AQP7B: variants seen among roughly 807,000 people sequenced by gnomAD.
AQP7B encodes aquaporin 7B, also known as putative aquaporin-7B.
chr2:94,600,903 G>C, the AQP7B span, among the ~76,000 whole-genome samples: 1 of 150,708 alleles, frequency 6.6e-6, no homozygotes, highest in African/African-American at 2.4e-5. Flanking sequence ...AAAATTGGCT[G>C]CGTGCCGAGG....
chr2:94,594,252 C>T, the AQP7B span, among the ~76,000 whole-genome samples: 3 of 152,218 alleles, frequency 2.0e-5, no homozygotes, highest in Admixed American at 6.5e-5. Context: ...TTACAGAGCT[C>T]GGCAGCAGAC....
At chr2:94,597,147 T>C in the AQP7B span, among the ~76,000 whole-genome samples, 3 of 152,140 alleles carry the variant, frequency 2.0e-5, no homozygotes, top group African/African-American at 4.8e-5. Context: ...GGCCCTCCCC[T>C]ACTCCTCTCT....
At chr2:94,594,961 T>C in the AQP7B span, 2 of 761,540 alleles carry the variant, frequency 2.6e-6, no homozygotes, top group Non-Finnish European at 4.4e-6. Context: ...GGTCACATTG[T>C]CCATTCCTTG....
chr2:94,600,079 A>C, the AQP7B span, among the ~76,000 whole-genome samples: 1 of 151,842 alleles, frequency 6.6e-6, no homozygotes, highest in African/African-American at 2.4e-5. Context: ...GGGTTTTGTC[A>C]TGCTGGTCTT....
At chr2:94,590,592 AGTTAATAGCTG>A in the AQP7B span, among the ~76,000 whole-genome samples, 8 of 152,100 alleles carry the variant, frequency 5.3e-5, no homozygotes, top group African/African-American at 1.9e-4. Flanking sequence ...TAATTCAATG[AGTTAATAGCTG>A]GTTAACAGGA....
the AQP7B span, among the ~76,000 whole-genome samples, chr2:94,600,672 G>T: frequency 6.6e-6 from 1 of 152,200 alleles, no homozygotes; most frequent in African/African-American, 2.4e-5. Flanking sequence ...GAGGTCAGGT[G>T]TTTGAGACCA....
At chr2:94,591,661 C>T in the AQP7B span, among the ~76,000 whole-genome samples, 1 of 152,188 alleles carries the variant, frequency 6.6e-6, no homozygotes, top group Non-Finnish European at 1.5e-5. Flanking sequence ...CTCTGCCCAT[C>T]TCATGCCACC....
At chr2:94,604,559 C>T in the AQP7B span, 23 of 1,600,992 alleles carry the variant, frequency 1.4e-5, no homozygotes, top group Non-Finnish European at 1.9e-5. Context: ...ATCCATGGCC[C>T]TAGAGCACTT....
the AQP7B span, chr2:94,604,396 C>T: frequency 6.2e-7 from 1 of 1,611,466 alleles, no homozygotes; most frequent in Admixed American, 1.7e-5. Context: ...CACGGGAGCC[C>T]CTGAAATTGG....
chr2:94,600,602 G>A, the AQP7B span, among the ~76,000 whole-genome samples: 2 of 152,174 alleles, frequency 1.3e-5, no homozygotes, highest in East Asian at 1.9e-4. Flanking sequence ...CTGGGATAGG[G>A]CTCAATGGCT....
At chr2:94,588,631 C>T in the AQP7B span, 7 of 771,458 alleles carry the variant, frequency 9.1e-6, no homozygotes, top group Admixed American at 1.3e-4. Flanking sequence ...CCATCCTCAG[C>T]CTCTCCCTTG....
the AQP7B span, among the ~76,000 whole-genome samples, chr2:94,596,118 G>T: frequency 1.3e-5 from 2 of 152,260 alleles, no homozygotes; most frequent in African/African-American, 2.4e-5. Context: ...GCCGTCAGCG[G>T]CATGGGCAGC....
At chr2:94,595,298 G>T in the AQP7B span, among the ~76,000 whole-genome samples, 11 of 152,154 alleles carry the variant, frequency 7.2e-5, no homozygotes, top group African/African-American at 2.7e-4. Flanking sequence ...AGCTGGGCAT[G>T]GTGGCGGACT....
At chr2:94,602,165 C>A in the AQP7B span, among the ~76,000 whole-genome samples, 9 of 151,810 alleles carry the variant, frequency 5.9e-5, no homozygotes, top group Admixed American at 2.0e-4. Flanking sequence ...GCAATGCATG[C>A]CAGCCATCCC....
chr2:94,599,754 A>T, the AQP7B span, among the ~76,000 whole-genome samples: 1 of 152,078 alleles, frequency 6.6e-6, no homozygotes, highest in East Asian at 1.9e-4. Flanking sequence ...AAACAACACA[A>T]AATGAAACAT....
At chr2:94,596,086 G>A in the AQP7B span, among the ~76,000 whole-genome samples, 3 of 152,240 alleles carry the variant, frequency 2.0e-5, no homozygotes, top group Admixed American at 6.5e-5. Context: ...ACAGAGGGGG[G>A]CAGTGGTTCC....
chr2:94,589,076 G>A, the AQP7B span, among the ~76,000 whole-genome samples: 1 of 149,162 alleles, frequency 6.7e-6, no homozygotes, highest in African/African-American at 2.5e-5. Context: ...TCCTTCTCCT[G>A]GGTTCAAGTG....
At chr2:94,604,483 C>G in the AQP7B span, 1 of 1,610,942 alleles carries the variant, frequency 6.2e-7, no homozygotes, top group Non-Finnish European at 8.5e-7. Flanking sequence ...TGATCTCTCC[C>G]CTCACCCTCA....
At chr2:94,599,404 A>G in the AQP7B span, among the ~76,000 whole-genome samples, 1 of 149,108 alleles carries the variant, frequency 6.7e-6, no homozygotes, top group Admixed American at 6.7e-5. Context: ...GGGCTATTTC[A>G]CATTTTCTCA....
Sources: gnomAD v4.1 joint callset for allele counts (sites outside exome capture counted in the v4.1 genomes callset) on GRCh38, gnomAD v4.1.1 for gene constraint, MANE v1.5 for transcripts, NCBI Gene and HGNC (gene_info 2026-07-23, HGNC 2026-07-21) for gene names.